AKT3: variants seen among roughly 807,000 people sequenced by gnomAD.
AKT3 encodes the protein AKT serine/threonine kinase 3, also known as RAC-gamma serine/threonine-protein kinase.
In AKT3, 15 loss-of-function variants were observed where a neutral mutation model predicts 65.3. That is an observed-to-expected ratio of 0.23 (90% CI 0.15 to 0.35). The LOEUF is 0.35. Ranked by LOEUF, AKT3 falls within the 10% of genes least tolerant of loss-of-function variation. The pLI is 1.00. For synonymous variants in AKT3, 206 were observed against 183.8 expected (o/e 1.12, Z -0.98); for missense variants, 243 against 576.5 (o/e 0.42, Z 5.92).
chr1:243,524,092 T>C (rs183766314), intron 12 of AKT3, among the ~76,000 whole-genome samples: 30 of 152,332 alleles, frequency 2.0e-4, no homozygotes, highest in Admixed American at 5.9e-4. Flanking sequence ...CTGAATACGG[T>C]AGGCAACTGC....
chr1:243,662,782 A>G (rs1682468610), intron 4 of AKT3, among the ~76,000 whole-genome samples: 2 of 152,184 alleles, frequency 1.3e-5, no homozygotes, highest in South Asian at 4.1e-4. Flanking sequence ...CAGATTCTAG[A>G]GGTATATAGA....
rs187986590 is a variant in AKT3 at position 243,643,178 on chromosome 1, T to C, written c.429+2715A>G. ...CAGCAGGTCTGGCCATTGTTCTTTT[T>C]TTCCTTCTCTTTTTCTCTGGATACT... On this transcript the variant is annotated intron_variant, in intron 5 of 13. Transcript: ENST00000673466. Among the ~76,000 whole-genome samples, 169 of 152,332 alleles carry C rather than the reference T, an allele frequency of 1.1e-3. 1 individual carries two copies. Among genetic ancestry groups the C allele is most frequent in the Non-Finnish European group, 8.1e-4 (55 of 68,020 alleles).
At chr1:243,573,223 A>C (rs1674692610) in intron 8 of AKT3, among the ~76,000 whole-genome samples, 175 bp from the exon 9 acceptor site, 1 of 152,128 alleles carries the variant, frequency 6.6e-6, no homozygotes, top group African/African-American at 2.4e-5. Flanking sequence ...TTCCAAGGGG[A>C]AACTGCGAGC....
At chr1:243,772,788 A>C (rs982957134) in intron 2 of AKT3, among the ~76,000 whole-genome samples, 3 of 152,196 alleles carry the variant, frequency 2.0e-5, no homozygotes, top group Non-Finnish European at 4.4e-5. Context: ...GAACCAATCC[A>C]AATGTCCAAC....
At chr1:243,760,632 G>T (rs1218589611) in intron 2 of AKT3, among the ~76,000 whole-genome samples, 4 of 152,060 alleles carry the variant, frequency 2.6e-5, no homozygotes, top group Non-Finnish European at 5.9e-5. Flanking sequence ...CTCACATGAG[G>T]CTGAACAAGG....
chr1:243,621,742 T>C (rs1161822225), intron 6 of AKT3, among the ~76,000 whole-genome samples: 1 of 152,210 alleles, frequency 6.6e-6, no homozygotes, highest in Non-Finnish European at 1.5e-5. Flanking sequence ...TCAACTTCAA[T>C]GTAGTGAATG....
chr1:243,625,592 T>G (rs2148630705), intron 6 of AKT3, among the ~76,000 whole-genome samples: 1 of 152,244 alleles, frequency 6.6e-6, no homozygotes, highest in African/African-American at 2.4e-5. Context: ...AGACAGTATA[T>G]CTATGGCCTT....
intron 2 of AKT3, among the ~76,000 whole-genome samples, chr1:243,724,697 G>A (rs886453841): frequency 6.6e-6 from 1 of 152,058 alleles, no homozygotes; most frequent in Admixed American, 6.6e-5. Context: ...TTCTAATACA[G>A]GTGGACTATT....
chr1:243,713,922 G>C (rs1450823632), intron 2 of AKT3, among the ~76,000 whole-genome samples: 1 of 151,938 alleles, frequency 6.6e-6, no homozygotes, highest in Admixed American at 6.6e-5. Flanking sequence ...ACAGTAATTA[G>C]TATAAAAAAG....
chr1:243,807,943 C>T (rs1162869678), intron 2 of AKT3, among the ~76,000 whole-genome samples: 2 of 152,160 alleles, frequency 1.3e-5, no homozygotes, highest in African/African-American at 4.8e-5. Flanking sequence ...GGACCTCCAG[C>T]AAACTCCAAC....
intron 4 of AKT3, among the ~76,000 whole-genome samples, chr1:243,652,686 T>C (rs963071726): frequency 2.5e-4 from 37 of 148,972 alleles, no homozygotes; most frequent in African/African-American, 9.2e-4. Context: ...CAATGTGCTG[T>C]ATTCAGGAGA....
intron 4 of AKT3, among the ~76,000 whole-genome samples, chr1:243,664,301 A>T (rs1682616114): frequency 7.5e-6 from 1 of 133,254 alleles, no homozygotes; most frequent in Non-Finnish European, 1.5e-5. Context: ...GGTTCATGCC[A>T]TTCTCCTGCC....
At chr1:243,733,116 A>G (rs1252724445) in intron 2 of AKT3, among the ~76,000 whole-genome samples, 1 of 152,212 alleles carries the variant, frequency 6.6e-6, no homozygotes, top group Non-Finnish European at 1.5e-5. Flanking sequence ...ATACACTCCA[A>G]GTAAAATGAC....
intron 12 of AKT3, among the ~76,000 whole-genome samples, chr1:243,527,760 GC>G (rs1293284112): frequency 6.6e-6 from 1 of 152,004 alleles, no homozygotes; most frequent in Non-Finnish European, 1.5e-5. Flanking sequence ...ATACCTGTAG[GC>G]CCAGCTATTC....
intron 8 of AKT3, among the ~76,000 whole-genome samples, chr1:243,610,724 T>C (rs1035122242): frequency 6.6e-6 from 1 of 152,232 alleles, no homozygotes; most frequent in Admixed American, 6.5e-5. Flanking sequence ...AGACAAGCAC[T>C]AATACCCAGT....
At chr1:243,701,665 C>CAAAAAAAA (rs74162707) in intron 2 of AKT3, among the ~76,000 whole-genome samples, 2 of 124,962 alleles carry the variant, frequency 1.6e-5, no homozygotes, top group African/African-American at 3.0e-5. Context: ...AGAAAAAATG[C>CAAAAAAAA]AAAAAAAAAA....
At chr1:243,733,445 A>G (rs1687672450) in intron 2 of AKT3, among the ~76,000 whole-genome samples, 2 of 152,244 alleles carry the variant, frequency 1.3e-5, no homozygotes, top group Non-Finnish European at 1.5e-5. Flanking sequence ...AGCAGCTAAA[A>G]GGCATAACCT....
At chr1:243,848,876 T>C (rs919330676) in intron 1 of AKT3, among the ~76,000 whole-genome samples, 5 of 152,240 alleles carry the variant, frequency 3.3e-5, no homozygotes, top group Admixed American at 6.5e-5. Flanking sequence ...AAATGCCACA[T>C]TGGTGAAATG....
At chr1:243,497,956 A>C (rs1420094821), downstream of AKT3, among the ~76,000 whole-genome samples, 1 of 152,176 alleles carries the variant, frequency 6.6e-6, no homozygotes, top group Non-Finnish European at 1.5e-5. Flanking sequence ...CACTGGGATT[A>C]CAGGTGTGAG....
Sources: allele counts gnomAD v4.1 joint callset (sites outside exome capture counted in the v4.1 genomes callset), GRCh38; gene constraint gnomAD v4.1.1; transcripts MANE v1.5; gene names NCBI Gene and HGNC (gene_info 2026-07-23, HGNC 2026-07-21).